The following DHRS7 variants were observed in gnomAD, a reference collection of about 807,000 sequenced individuals.
DHRS7 encodes the protein dehydrogenase/reductase 7, also known as dehydrogenase/reductase SDR family member 7.
A neutral mutation model predicts 38.9 loss-of-function variants in DHRS7; 34 were observed. That is an observed-to-expected ratio of 0.87 (90% CI 0.66 to 1.16). The LOEUF is 1.16. DHRS7 is among the 50% of genes most tolerant of loss of function. The probability of loss-of-function intolerance (pLI) is 0.00; values close to 1 mark genes in which losing one functional copy is unlikely to be tolerated. For missense variants in DHRS7, 421 were observed against 407.0 expected, an observed-to-expected ratio of 1.03 and a Z score of -0.30; for synonymous variants, 158 against 153.1, an observed-to-expected ratio of 1.03 and a Z score of -0.24.
Position 60,148,333 on chromosome 14 carries a change from G to A in DHRS7, c.972+1020C>T, listed in dbSNP as rs1354051406. ...ATTTCTAAAAGAAGGTGGTAACAAA[G>A]TATATCAAAGGCTAACAGTAAAAAC... is the stretch of plus-strand genomic sequence containing the variant. On this transcript the variant is annotated intron_variant, in intron 6 of 6. Coordinates refer to ENST00000557185, the MANE Select transcript of DHRS7 (RefSeq NM_016029.4). The surrounding 1 kb of genome is among the most constrained non-coding windows in gnomAD (Gnocchi z 4.8). 1 of 152,146 alleles carries A rather than the reference G, an allele frequency of 6.6e-6. No homozygotes were observed. Among genetic ancestry groups the A allele is most frequent in the Admixed American group, 6.5e-5 (1 of 15,274 alleles). 9.4% of individuals were successfully genotyped at this position (152,146 alleles called of 1,614,324 possible). A position where few individuals can be genotyped will look rare whatever the true frequency, so the allele number is the denominator to read the frequency against.
chr14:60,168,861 G>T, upstream of DHRS7: 1 of 1,312,724 alleles, frequency 7.6e-7, no homozygotes, highest in East Asian at 2.6e-5. Flanking sequence ...AAGGTCAGAG[G>T]AGAACTTGAC....
rs1267744477 is a variant in DHRS7 at position 60,163,692 on chromosome 14, C to A, written c.133+1485G>T. On this transcript the variant is annotated intron_variant, in intron 1 of 6. Coordinates refer to ENST00000557185, the MANE Select transcript of DHRS7 (RefSeq NM_016029.4). ...GAGAAAATAACTTTTAACTTAGTAG[C>A]TTAGAGATATTCATTCAGATGTTGT... 5.9e-5 allele frequency among the ~76,000 whole-genome samples: 9 copies of A among 152,202 alleles called. No individual in the cohort carries two copies. The South Asian group carries it at 1.9e-3, about 32-fold the overall frequency.
At chr14:60,151,475 CAG>C (rs2140594513) in intron 4 of DHRS7, among the ~76,000 whole-genome samples, 1 of 150,888 alleles carries the variant, frequency 6.6e-6, no homozygotes, top group East Asian at 2.0e-4. Flanking sequence ...CCCCAACAAA[CAG>C]AGGGGCTATG....
At chr14:60,159,277 TGTCAGCTTCTA>T (rs1330536124) in intron 1 of DHRS7, 1 of 431,308 alleles carries the variant, frequency 2.3e-6, no homozygotes, top group Non-Finnish European at 4.3e-6. Flanking sequence ...GAAAATTTCA[TGTCAGCTTCTA>T]GTGTTTTTCA....
upstream of DHRS7, chr14:60,165,470 C>G (rs986998202): frequency 5.3e-4 from 713 of 1,354,176 alleles, no homozygotes; most frequent in Non-Finnish European, 6.3e-4. The surrounding 1 kb of genome is among the most constrained non-coding windows in gnomAD (Gnocchi z 4.6). Flanking sequence ...CTCGGGCGCG[C>G]CGGGCTCAGC....
chr14:60,150,221 C>T (rs115259434), intron 4 of DHRS7, 34 bp from the exon 5 acceptor site: 3 of 1,415,554 alleles, frequency 2.1e-6, no homozygotes, highest in Non-Finnish European at 1.9e-6. Flanking sequence ...AGGAAAAAGG[C>T]AAATAAATAC....
chr14:60,168,815 A>C, upstream of DHRS7: 2 of 1,502,726 alleles, frequency 1.3e-6, no homozygotes, highest in South Asian at 2.6e-5. Flanking sequence ...ACATGCTGAC[A>C]CTCCTCATAA....
At chr14:60,158,102 G>A (rs1006615474) in intron 1 of DHRS7, among the ~76,000 whole-genome samples, 1 of 151,754 alleles carries the variant, frequency 6.6e-6, no homozygotes. Context: ...GTGTGGTGGC[G>A]CATCGTTGTA....
At chr14:60,163,038 C>T (rs564231741) in intron 1 of DHRS7, among the ~76,000 whole-genome samples, 6 of 152,030 alleles carry the variant, frequency 3.9e-5, no homozygotes, top group African/African-American at 1.4e-4. Context: ...TGCGTGGTGG[C>T]ACGCACCTGT....
rs1896398711 is a variant in DHRS7, at chr14:60,146,056, G to A, written c.973-1043C>T. On this transcript the variant is annotated intron_variant, in intron 6 of 6. Coordinates refer to ENST00000557185, the MANE Select transcript of DHRS7 (RefSeq NM_016029.4). This position sits in a 1 kb window ranked among gnomAD's most constrained non-coding sequence, Gnocchi z 4.9. ...ATATAAAATATAAAATAGTGGGAGAGAGGAAGAGTACAGACTATAAAGAAT... is the reference window on the plus strand; with the variant it reads ...ATATAAAATATAAAATAGTGGGAGAAAGGAAGAGTACAGACTATAAAGAAT... The A allele has an allele frequency of 6.6e-6, 1 of 150,586 alleles. No homozygotes were observed. Among genetic ancestry groups the A allele is most frequent in the South Asian group, 2.1e-4 (1 of 4,810 alleles). 9.3% of individuals were successfully genotyped at this position (150,586 alleles called of 1,614,324 possible). A position where few individuals can be genotyped will look rare whatever the true frequency, so the allele number is the denominator to read the frequency against.
At chr14:60,158,737 C>T (rs1173883672) in intron 1 of DHRS7, among the ~76,000 whole-genome samples, 3 of 152,114 alleles carry the variant, frequency 2.0e-5, no homozygotes, top group Admixed American at 6.6e-5. Context: ...TAGTTCAACC[C>T]CCACTCCAGT....
rs745607417 is a variant in DHRS7 at position 60,149,475 on chromosome 14, C to T, written c.850G>A (p.Val284Ile). 6.2e-7 allele frequency: 1 copy of T among 1,614,142 alleles called. No homozygotes were observed. The highest frequency in any genetic ancestry group is 2.2e-5 in the East Asian group (1 of 44,884). ...LISMANDLKEVWISEQPFLLV... is the reference protein window; with the variant it reads ...LISMANDLKEIWISEQPFLLV... ...AAGAAAGGTTGTTCTGAGATCCAAA[C>T]TTCTTTCAAATCATTGGCCATGCTG... The change falls in exon 6 of 7, where the codon GTT (valine) becomes ATT (isoleucine). Residue 284 changes from valine (V) to isoleucine (I), a missense_variant. Physicochemically the swap from Val to Ile is conservative, Grantham distance 29 (BLOSUM62 3). Coordinates refer to ENST00000557185, the MANE Select transcript of DHRS7 (RefSeq NM_016029.4).
At chr14:60,167,106 C>T (rs1470997093), upstream of DHRS7, among the ~76,000 whole-genome samples, 1 of 152,138 alleles carries the variant, frequency 6.6e-6, no homozygotes, top group East Asian at 1.9e-4. Context: ...TGTTTTAAAA[C>T]AACCAGAAGA....
Position 60,150,100 on chromosome 14 carries a change from T to C in DHRS7, c.721A>G (p.Ile241Val), listed in dbSNP as rs1392328899. The C allele has an allele frequency of 6.2e-7, 1 of 1,607,776 alleles. No homozygotes were observed. Among genetic ancestry groups the C allele is most frequent in the South Asian group, 1.1e-5 (1 of 89,498 alleles). ...NICPGPVQSNIVENSLAGEVT... is the reference protein window; with the variant it reads ...NICPGPVQSNVVENSLAGEVT... ...TCTCCAGCTAGGGAATTCTCCACAA[T>C]ATTTGATTGCACAGGTCCTGGGCAA... The change falls in exon 5 of 7, where the codon ATT becomes GTT. Residue 241 changes from isoleucine to valine, a missense_variant. By Grantham distance (29) the Ile-to-Val change is conservative. Transcript: ENST00000557185.
At position 60,165,376 on chromosome 14, in the gene DHRS7, C is replaced by T. The variant is rs1896851025; in HGVS notation, c.-67G>A. 9.9e-6 allele frequency: 15 copies of T among 1,519,752 alleles called. No individual in the cohort carries two copies. The South Asian group carries it at 1.5e-4, about 15-fold the overall frequency. 94.1% of individuals were successfully genotyped at this position (1,519,752 alleles called of 1,614,324 possible). ...GCACCAGAGTCGCGTCGCTGCCCTG[C>T]GGGATCGCAGCGCCACCCCTTCGGC... On this transcript the variant is annotated 5_prime_UTR_variant, in exon 1 of 7. Transcript: ENST00000557185. The surrounding 1 kb of genome is among the most constrained non-coding windows in gnomAD (Gnocchi z 4.6).
intron 4 of DHRS7, 84 bp downstream of exon 4, chr14:60,152,855 C>T: frequency 6.7e-7 from 1 of 1,498,402 alleles, no homozygotes; most frequent in Non-Finnish European, 9.2e-7. Flanking sequence ...ACTTCCAGTT[C>T]CAAGGACCTC....
In DHRS7 at chr14:60,152,911, T is replaced by G. The variant is rs1353251194; in HGVS notation, c.633+28A>C. 7 of 1,613,272 alleles carry G rather than the reference T, an allele frequency of 4.3e-6. No homozygotes were observed. In the African/African-American group the frequency reaches 9.3e-5, roughly 22 times the overall value. On this transcript the variant is annotated intron_variant, in intron 4 of 6. Transcript: ENST00000557185. ...CCCATATACACATTTAAGTCAGTTCTATCAGAGTTGAGTTTGAGCAGCCTT... is the reference window on the plus strand; with the variant it reads ...CCCATATACACATTTAAGTCAGTTCGATCAGAGTTGAGTTTGAGCAGCCTT...
At chr14:60,159,322 G>T in intron 1 of DHRS7, 1 of 427,204 alleles carries the variant, frequency 2.3e-6, no homozygotes, top group Non-Finnish European at 4.3e-6. Context: ...AAAAGCAAAA[G>T]AAAATACAGA....
At chr14:60,167,670 G>A, upstream of DHRS7, among the ~76,000 whole-genome samples, 1 of 152,144 alleles carries the variant, frequency 6.6e-6, no homozygotes, top group Non-Finnish European at 1.5e-5. Flanking sequence ...CTAGGCGGGG[G>A]AAAAAAAGAG....
Sources: allele counts gnomAD v4.1 joint callset (sites outside exome capture counted in the v4.1 genomes callset), GRCh38; gene constraint gnomAD v4.1.1; non-coding constraint Gnocchi (gnomAD v3.1); transcripts MANE v1.5; gene names NCBI Gene and HGNC (gene_info 2026-07-23, HGNC 2026-07-21).